Variants in SOBP observed in about 807,000 individuals in gnomAD.
The protein encoded by SOBP is sine oculis binding protein homolog.
Under a neutral mutation model 53.6 loss-of-function variants are expected in SOBP, and 4 were observed. The observed-to-expected ratio is 0.07, with a 90% CI of 0.04 to 0.17. The LOEUF is 0.17. Ranked by LOEUF, SOBP falls within the 10% of genes least tolerant of loss-of-function variation. SOBP has a pLI of 1.00. For missense variants in SOBP, 1,088 were observed against 1,204.7 expected (o/e 0.90, Z 1.43); for synonymous variants, 584 against 522.6 (o/e 1.12, Z -1.60).
At chr6:107,657,131 C>A (rs1452770490) in intron 6 of SOBP, among the ~76,000 whole-genome samples, 3 of 152,250 alleles carry the variant, frequency 2.0e-5, no homozygotes, top group Non-Finnish European at 4.4e-5. Flanking sequence ...CCCCTGACCT[C>A]TGGGGCTTTA....
At chr6:107,550,155 G>A (rs182120104) in intron 4 of SOBP, among the ~76,000 whole-genome samples, 11 of 152,304 alleles carry the variant, frequency 7.2e-5, no homozygotes, top group Admixed American at 2.6e-4. Flanking sequence ...ACCCACACTC[G>A]GCTTGGACCA....
intron 3 of SOBP, among the ~76,000 whole-genome samples, chr6:107,511,888 G>A (rs959745901): frequency 1.3e-5 from 2 of 151,984 alleles, no homozygotes; most frequent in Non-Finnish European, 2.9e-5. Flanking sequence ...GACAGCACAG[G>A]CATTACTATG....
At chr6:107,547,396 G>T (rs111599759) in intron 4 of SOBP, among the ~76,000 whole-genome samples, 1 of 152,144 alleles carries the variant, frequency 6.6e-6, no homozygotes, top group Non-Finnish European at 1.5e-5. Context: ...ACAAAAGTAC[G>T]TCAAACAATA....
At chr6:107,544,690 T>G (rs1300656284) in intron 4 of SOBP, among the ~76,000 whole-genome samples, 2 of 152,234 alleles carry the variant, frequency 1.3e-5, no homozygotes, top group East Asian at 3.8e-4. Flanking sequence ...GATATGCGCT[T>G]TCTTTGCTAA....
chr6:107,564,662 A>T (rs1002053222), intron 4 of SOBP, among the ~76,000 whole-genome samples: 3 of 151,228 alleles, frequency 2.0e-5, no homozygotes, highest in African/African-American at 7.4e-5. Context: ...TGGGGGCACA[A>T]ACCTGAGTGG....
chr6:107,500,765 TCTGC>T (rs1430330471), intron 1 of SOBP, among the ~76,000 whole-genome samples: 5 of 152,158 alleles, frequency 3.3e-5, no homozygotes, highest in Admixed American at 2.6e-4. Context: ...GACCTTGTGA[TCTGC>T]CCACCTTGGC....
chr6:107,558,139 C>CT (rs2115020983), intron 4 of SOBP: 2 of 152,260 alleles, frequency 1.3e-5, no homozygotes, highest in South Asian at 4.2e-4. Flanking sequence ...TTCATTTGAT[C>CT]TTCCTTGCAA....
At chr6:107,503,589 A>G in intron 1 of SOBP, 68 bp from the exon 2 acceptor site, 1 of 1,560,916 alleles carries the variant, frequency 6.4e-7, no homozygotes, top group Non-Finnish European at 8.8e-7. Flanking sequence ...AGCAGAATTC[A>G]ATTTATGCAT....
rs1198246137 is a variant in SOBP at position 107,506,328 on chromosome 6, G to A, written c.322G>A (p.Gly108Arg). Residue 108 changes from glycine (G) to arginine (R), a missense_variant, in exon 3 of 7, where the codon GGA becomes AGA. Transcript: ENST00000317357. ...CACAGGCTATTCAGGGCTTGCCACT[G>A]GAAATGGACTCAGTGACTCACCTGC... ...ISTGYSGLATGNGLSDSPAGS... is the reference protein window; with the variant it reads ...ISTGYSGLATRNGLSDSPAGS... The A allele has an allele frequency of 6.2e-7, 1 of 1,614,152 alleles. No homozygotes were observed. Among genetic ancestry groups the A allele is most frequent in the Non-Finnish European group, 8.5e-7 (1 of 1,180,022 alleles).
chr6:107,641,211 G>T (rs1771297259), intron 6 of SOBP, among the ~76,000 whole-genome samples: 1 of 152,192 alleles, frequency 6.6e-6, no homozygotes, highest in South Asian at 2.1e-4. Context: ...GGCAATTTCT[G>T]CTGTGGGCCT....
At chr6:107,551,028 C>T (rs1246284509) in intron 4 of SOBP, among the ~76,000 whole-genome samples, 1 of 152,204 alleles carries the variant, frequency 6.6e-6, no homozygotes, top group African/African-American at 2.4e-5. Context: ...GACTGACAGG[C>T]ACGTGAAGAG....
intron 6 of SOBP, among the ~76,000 whole-genome samples, chr6:107,653,833 C>T (rs1771907347): frequency 1.3e-5 from 2 of 152,042 alleles, no homozygotes; most frequent in Admixed American, 1.3e-4. Flanking sequence ...GGAGTGGTTG[C>T]CTGGAAGTTT....
At chr6:107,568,349 G>T (rs1463786617) in intron 4 of SOBP, among the ~76,000 whole-genome samples, 2 of 152,160 alleles carry the variant, frequency 1.3e-5, no homozygotes, top group African/African-American at 4.8e-5. Context: ...ATTGTTTCTA[G>T]AAATTTGACA....
chr6:107,560,230 T>C (rs913768164), intron 4 of SOBP, among the ~76,000 whole-genome samples: 2 of 152,046 alleles, frequency 1.3e-5, no homozygotes, highest in Admixed American at 6.5e-5. Flanking sequence ...GCCCAAGAGG[T>C]GTTCAGATAT....
In SOBP at chr6:107,543,075, A is replaced by G. The variant is rs375187269; in HGVS notation, c.573+9465A>G. Among the ~76,000 whole-genome samples the G allele has an allele frequency of 5.9e-5, 9 of 152,356 alleles. No homozygotes were observed. In the East Asian group the frequency reaches 1.3e-3, roughly 23 times the overall value. On this transcript the variant is annotated intron_variant, in intron 4 of 6. Coordinates refer to ENST00000317357, the MANE Select transcript of SOBP (RefSeq NM_018013.4). ...TGTCAGCTTTATTCTGAGAGTAGGT[A>G]TAGTCTGGTGATTACTTGTAGGGTG...
chr6:107,554,874 G>T lies in SOBP; in HGVS notation c.573+21264G>T, dbSNP rs1784564011. On this transcript the variant is annotated intron_variant, in intron 4 of 6. Coordinates refer to ENST00000317357, the MANE Select transcript of SOBP (RefSeq NM_018013.4). The stretch of plus-strand genomic sequence containing the variant: ...AGGGCTGGGATGGGGGGTGGGAGGT[G>T]GTGGAGAAACTGTTATTCTGTGAGC... Among the ~76,000 whole-genome samples, 5 of 152,136 alleles carry T rather than the reference G, an allele frequency of 3.3e-5. No individual in the cohort carries two copies. In the South Asian group the frequency reaches 1.0e-3, roughly 32 times the overall value.
intron 2 of SOBP, 67 bp from the exon 3 acceptor site, chr6:107,506,175 A>T: frequency 7.1e-7 from 1 of 1,415,566 alleles, no homozygotes; most frequent in East Asian, 2.3e-5. Flanking sequence ...TGAGAAAATA[A>T]GGAAAAATTT....
intron 3 of SOBP, among the ~76,000 whole-genome samples, chr6:107,521,090 T>C (rs2114970763): frequency 6.7e-6 from 1 of 148,352 alleles, no homozygotes; most frequent in Non-Finnish European, 1.5e-5. Context: ...CAAAAATGTC[T>C]CCCGATATTA....
intron 5 of SOBP, among the ~76,000 whole-genome samples, chr6:107,612,076 C>T (rs776857608): frequency 7.2e-5 from 11 of 152,096 alleles, no homozygotes; most frequent in Non-Finnish European, 2.9e-5. Flanking sequence ...AATAATTTGC[C>T]GTTAGCATAG....
Sources: allele counts gnomAD v4.1 joint callset (sites outside exome capture counted in the v4.1 genomes callset), GRCh38; gene constraint gnomAD v4.1.1; transcripts MANE v1.5; gene names NCBI Gene and HGNC (gene_info 2026-07-23, HGNC 2026-07-21).